Variants in PLD5 observed in about 807,000 individuals in gnomAD.
PLD5 encodes the protein phospholipase D family member 5.
PLD5 carries 36 observed loss-of-function variants against 61.1 expected under a neutral mutation model. The ratio of observed to expected loss-of-function variants is 0.59; its 90% CI spans 0.45 to 0.78. PLD5 has a LOEUF of 0.78. PLD5 is among the 30% of genes least tolerant of loss of function. The pLI is 0.00. For synonymous variants in PLD5, 243 were observed against 242.8 expected (o/e 1.00, Z -0.01); for missense variants, 515 against 644.4 (o/e 0.80, Z 2.17).
intron 1 of PLD5, among the ~76,000 whole-genome samples, chr1:242,416,139 C>CA (rs890296767): frequency 1.3e-4 from 19 of 146,232 alleles, no homozygotes; most frequent in African/African-American, 2.3e-4. Flanking sequence ...TGGGGTTGAG[C>CA]AAAAAAAAAT....
intron 5 of PLD5, 59 bp downstream of exon 5, chr1:242,219,929 T>G: frequency 6.3e-7 from 1 of 1,577,448 alleles, no homozygotes; most frequent in Non-Finnish European, 8.7e-7. Context: ...GCGTGCTTTA[T>G]GAAGGTGGTC....
chr1:242,259,529 G>C (rs763711501), intron 4 of PLD5, among the ~76,000 whole-genome samples: 1 of 151,984 alleles, frequency 6.6e-6, no homozygotes, highest in South Asian at 2.1e-4. Context: ...AGACTGAAAC[G>C]AGATATTTCA....
At chr1:242,507,525 T>C (rs1668766379) in intron 1 of PLD5, among the ~76,000 whole-genome samples, 1 of 152,346 alleles carries the variant, frequency 6.6e-6, no homozygotes, top group Non-Finnish European at 1.5e-5. Context: ...TCCATGTGGT[T>C]AACTATACCT....
chr1:242,317,719 A>C (rs557075488), intron 2 of PLD5, among the ~76,000 whole-genome samples: 3 of 131,698 alleles, frequency 2.3e-5, no homozygotes, highest in African/African-American at 8.2e-5. Flanking sequence ...CATAGCTAAG[A>C]ATCTCATTTC....
At chr1:242,412,466 A>T (rs564980967) in intron 1 of PLD5, among the ~76,000 whole-genome samples, 1 of 152,348 alleles carries the variant, frequency 6.6e-6, no homozygotes, top group South Asian at 2.1e-4. Context: ...GTGTGTGTTT[A>T]TTATAATTTT....
chr1:242,290,586 C>T (rs1042293348), intron 2 of PLD5, among the ~76,000 whole-genome samples: 4 of 151,932 alleles, frequency 2.6e-5, no homozygotes, highest in African/African-American at 9.7e-5. Context: ...CACCTGTACG[C>T]CACTGGCATG....
intron 2 of PLD5, among the ~76,000 whole-genome samples, chr1:242,302,712 C>G (rs1160285667): frequency 1.3e-5 from 2 of 152,176 alleles, no homozygotes; most frequent in Admixed American, 1.3e-4. Context: ...GAGCAAGACT[C>G]TGCCTGTAAA....
chr1:242,527,603 A>G (rs1669478551), upstream of PLD5, among the ~76,000 whole-genome samples: 1 of 152,236 alleles, frequency 6.6e-6, no homozygotes. Context: ...GCCAGACTCA[A>G]TGAACCCAAC....
rs1029389062 is a variant in PLD5, at chr1:242,088,707, T to C, written c.*1147A>G. The stretch of plus-strand genomic sequence containing the variant: ...TCTCCATTAATACAGGGGTATATAT[T>C]GTATAGATATAAAACAACAACACAC... On this transcript the variant is annotated 3_prime_UTR_variant, in exon 10 of 10. Coordinates refer to ENST00000536534, the MANE Select transcript of PLD5 (RefSeq NM_001372062.1). 6.6e-6 allele frequency: 1 copy of C among 152,174 alleles called. No individual in the cohort carries two copies. Among genetic ancestry groups the C allele is most frequent in the Non-Finnish European group, 1.5e-5 (1 of 68,042 alleles). 9.4% of individuals were successfully genotyped at this position (152,174 alleles called of 1,614,324 possible). A position where few individuals can be genotyped will look rare whatever the true frequency, so the allele number is the denominator to read the frequency against.
chr1:242,210,523 G>A (rs1669740518), intron 5 of PLD5: 1 of 153,776 alleles, frequency 6.5e-6, no homozygotes, highest in African/African-American at 2.4e-5. Flanking sequence ...AAGTGAAAAT[G>A]GCCGGTCCTT....
chr1:242,452,033 C>T (rs777344059), intron 1 of PLD5, among the ~76,000 whole-genome samples: 3 of 152,240 alleles, frequency 2.0e-5, no homozygotes, highest in East Asian at 1.9e-4. Flanking sequence ...TCAATGTCTG[C>T]GCCATCTCCC....
At chr1:242,333,748 G>A (rs1444922756) in intron 2 of PLD5, among the ~76,000 whole-genome samples, 1 of 152,108 alleles carries the variant, frequency 6.6e-6, no homozygotes. Flanking sequence ...GAGAACATAC[G>A]ATATTTGTCT....
intron 2 of PLD5, among the ~76,000 whole-genome samples, chr1:242,335,757 T>C (rs1659464374): frequency 6.6e-6 from 1 of 152,200 alleles, no homozygotes; most frequent in Non-Finnish European, 1.5e-5. Context: ...TCACCTTATA[T>C]ATGCACAAAT....
intron 5 of PLD5, among the ~76,000 whole-genome samples, chr1:242,167,353 C>T (rs974395925): frequency 5.3e-5 from 8 of 152,124 alleles, no homozygotes; most frequent in African/African-American, 9.7e-5. Context: ...GAGGAGCAAA[C>T]GCACATCTTA....
At chr1:242,102,110 C>T (rs959011894) in intron 8 of PLD5, among the ~76,000 whole-genome samples, 2 of 152,226 alleles carry the variant, frequency 1.3e-5, no homozygotes, top group African/African-American at 4.8e-5. Context: ...CATGAGGTCA[C>T]ATGAATGTTG....
rs535906361 is a variant in PLD5 at position 242,321,074 on chromosome 1, T to C, written c.326+27032A>G. Among the ~76,000 whole-genome samples the C allele has an allele frequency of 1.1e-3, 161 of 152,260 alleles. 1 individual carries two copies. The highest frequency in any genetic ancestry group is 3.8e-3 in the African/African-American group (158 of 41,566). ...GAAATAAAAATATTTTACCCCAAAG[T>C]GTATTTCTTTGACATAGTTTGAGAC... On this transcript the variant is annotated intron_variant, in intron 2 of 9. Coordinates refer to ENST00000536534, the MANE Select transcript of PLD5 (RefSeq NM_001372062.1).
At chr1:242,388,877 C>A (rs1662755153) in intron 1 of PLD5, among the ~76,000 whole-genome samples, 1 of 152,078 alleles carries the variant, frequency 6.6e-6, no homozygotes, top group African/African-American at 2.4e-5. Flanking sequence ...ATTGCTTGAA[C>A]CCGGGAGGTG....
chr1:242,498,030 T>C (rs1328796378), intron 1 of PLD5, among the ~76,000 whole-genome samples: 1 of 152,208 alleles, frequency 6.6e-6, no homozygotes, highest in Non-Finnish European at 1.5e-5. Flanking sequence ...AATGATGCGA[T>C]CTCAGCTCAC....
At chr1:242,178,834 A>G (rs1667339520) in intron 5 of PLD5, among the ~76,000 whole-genome samples, 1 of 152,206 alleles carries the variant, frequency 6.6e-6, no homozygotes, top group African/African-American at 2.4e-5. Context: ...TATTTCAGGA[A>G]AATGGCTGGC....
Sources: allele counts gnomAD v4.1 joint callset (sites outside exome capture counted in the v4.1 genomes callset), GRCh38; gene constraint gnomAD v4.1.1; transcripts MANE v1.5; gene names NCBI Gene and HGNC (gene_info 2026-07-23, HGNC 2026-07-21).